Variants in PPFIA2 observed in about 807,000 individuals in gnomAD.
PPFIA2 encodes liprin-alpha-2.
A neutral mutation model predicts 175.5 loss-of-function variants in PPFIA2; 46 were observed. That is an observed-to-expected ratio of 0.26 (90% CI 0.21 to 0.34). The LOEUF (loss-of-function observed/expected upper bound fraction) is 0.34, where lower values mean the gene tolerates loss of function less well. Among genes scored for constraint, PPFIA2 ranks in the 10% least tolerant of loss-of-function variants. The probability of loss-of-function intolerance (pLI) is 1.00; values close to 1 mark genes in which losing one functional copy is unlikely to be tolerated. For missense variants in PPFIA2, 1,179 were observed against 1,506.1 expected, an observed-to-expected ratio of 0.78 and a Z score of 3.60; for synonymous variants, 568 against 511.4, an observed-to-expected ratio of 1.11 and a Z score of -1.49.
chr12:81,689,175 T>C (rs1227081047), intron 3 of PPFIA2, among the ~76,000 whole-genome samples: 1 of 151,904 alleles, frequency 6.6e-6, no homozygotes, highest in Non-Finnish European at 1.5e-5. Flanking sequence ...ATGCAAAATT[T>C]GTGAAAGGAA....
chr12:81,655,237 T>TAA (rs2067598765), intron 4 of PPFIA2, among the ~76,000 whole-genome samples: 3 of 151,898 alleles, frequency 2.0e-5, no homozygotes, highest in Non-Finnish European at 4.4e-5. Flanking sequence ...AATGTTAATT[T>TAA]TCCCCCAAAA....
intron 7 of PPFIA2, chr12:81,429,863 T>C (rs555842349): frequency 6.6e-6 from 1 of 152,098 alleles, no homozygotes; most frequent in Non-Finnish European, 1.5e-5. Flanking sequence ...GGTAACTTAA[T>C]GAGAACCTCA....
At chr12:81,411,782 T>C (rs1290322679) in intron 7 of PPFIA2, among the ~76,000 whole-genome samples, 5 of 151,988 alleles carry the variant, frequency 3.3e-5, no homozygotes, top group East Asian at 3.9e-4. Context: ...CTAATGGAAA[T>C]TGTACTCTCA....
intron 7 of PPFIA2, among the ~76,000 whole-genome samples, chr12:81,421,284 T>C (rs1018939367): frequency 5.9e-5 from 9 of 152,108 alleles, no homozygotes; most frequent in Non-Finnish European, 1.3e-4. Flanking sequence ...AGTAACATTA[T>C]AATTGTATTG....
intron 3 of PPFIA2, among the ~76,000 whole-genome samples, chr12:81,736,869 A>G (rs923632832): frequency 1.3e-5 from 2 of 151,962 alleles, no homozygotes; most frequent in African/African-American, 4.8e-5. Flanking sequence ...CTGCCTCCCC[A>G]GCAGCTGGGA....
At chr12:81,665,035 TGTC>T (rs1255387492) in intron 4 of PPFIA2, among the ~76,000 whole-genome samples, 1 of 150,132 alleles carries the variant, frequency 6.7e-6, no homozygotes, top group Non-Finnish European at 1.5e-5. Context: ...CGGGGCCTGT[TGTC>T]GGGTGGGGGC....
At chr12:81,717,142 G>C (rs144833523) in intron 3 of PPFIA2, among the ~76,000 whole-genome samples, 8 of 151,770 alleles carry the variant, frequency 5.3e-5, no homozygotes, top group African/African-American at 1.7e-4. Flanking sequence ...ACTCTCTGTT[G>C]CAACTATTCA....
intron 4 of PPFIA2, among the ~76,000 whole-genome samples, chr12:81,605,813 T>C (rs2060250825): frequency 6.6e-6 from 1 of 152,048 alleles, no homozygotes; most frequent in Admixed American, 6.6e-5. Context: ...AATGACCCTT[T>C]ACAGATAGCC....
intron 26 of PPFIA2, among the ~76,000 whole-genome samples, chr12:81,282,014 C>G (rs1273002615): frequency 1.3e-5 from 2 of 151,964 alleles, no homozygotes; most frequent in African/African-American, 4.8e-5. Flanking sequence ...TGGAAAGAAT[C>G]AGTCTTTTCT....
chr12:81,717,071 G>T (rs1285556112), intron 3 of PPFIA2, among the ~76,000 whole-genome samples: 1 of 151,656 alleles, frequency 6.6e-6, no homozygotes, highest in Non-Finnish European at 1.5e-5. Flanking sequence ...TTAATCTGGG[G>T]TCAGCAAGCT....
At position 81,676,798 on chromosome 12, in the gene PPFIA2, T is replaced by C; in HGVS notation, c.296A>G (p.Asp99Gly). 1 of 1,561,906 alleles carries C rather than the reference T, an allele frequency of 6.4e-7. No homozygotes were observed. Reference protein sequence around the residue: ...TGGLAGSKGADPPEFAALTKE... With the variant: ...TGGLAGSKGAGPPEFAALTKE... Reference sequence around the variant, plus strand: ...ATGAAGAATCTAACTTACCGGTGGATCAGCCCCCTTAGAACCAGCCAGCCC... The same window carrying C: ...ATGAAGAATCTAACTTACCGGTGGACCAGCCCCCTTAGAACCAGCCAGCCC... Residue 99 changes from aspartate to glycine, a missense_variant, in exon 4 of 33, where the codon GAT becomes GGT. By Grantham distance (94) the Asp-to-Gly change is moderately conservative. Transcript: ENST00000549396.
At chr12:81,617,473 T>G (rs1005766641) in intron 4 of PPFIA2, among the ~76,000 whole-genome samples, 2 of 152,194 alleles carry the variant, frequency 1.3e-5, no homozygotes, top group African/African-American at 2.4e-5. Flanking sequence ...CCTAGAGAAT[T>G]TGAATTGTGT....
chr12:81,315,735 A>C (rs559129683), intron 22 of PPFIA2, among the ~76,000 whole-genome samples: 111 of 151,756 alleles, frequency 7.3e-4, no homozygotes, highest in African/African-American at 2.5e-3. Flanking sequence ...TGGATATCAG[A>C]GCATACGAGG....
At chr12:81,281,506 G>A in intron 26 of PPFIA2, 56 bp from the exon 27 acceptor site, 5 of 1,170,892 alleles carry the variant, frequency 4.3e-6, no homozygotes, top group East Asian at 4.9e-5. Flanking sequence ...GATGGTAATT[G>A]GATAATATTA....
chr12:81,531,099 G>A (rs2064480809), intron 4 of PPFIA2, among the ~76,000 whole-genome samples: 1 of 151,768 alleles, frequency 6.6e-6, no homozygotes, highest in Non-Finnish European at 1.5e-5. Flanking sequence ...TCTTTGGTCT[G>A]AGTTACAAAA....
At position 81,608,254 on chromosome 12, in the gene PPFIA2, T is replaced by C. The variant is rs569132119; in HGVS notation, c.303+68537A>G. On this transcript the variant is annotated intron_variant, in intron 4 of 32. Transcript: ENST00000549396. ...CATAAGGGATACTGGCCTGTAGTTT[T>C]ATTTCTTTGTTGTGTCTCTGTCAGA... is the stretch of plus-strand genomic sequence containing the variant. Among the ~76,000 whole-genome samples, 9 of 152,222 alleles carry C rather than the reference T, an allele frequency of 5.9e-5. No homozygotes were observed. The East Asian group carries it at 1.4e-3, about 23-fold the overall frequency.
At chr12:81,374,260 A>C (rs1017095788) in intron 11 of PPFIA2, among the ~76,000 whole-genome samples, 1 of 152,118 alleles carries the variant, frequency 6.6e-6, no homozygotes, top group Admixed American at 6.6e-5. Context: ...AAGTTATGAT[A>C]TTCTCTATAC....
At chr12:81,480,904 A>G (rs1454608642) in intron 4 of PPFIA2, among the ~76,000 whole-genome samples, 1 of 152,212 alleles carries the variant, frequency 6.6e-6, no homozygotes, top group African/African-American at 2.4e-5. Flanking sequence ...ATCAGGAAAG[A>G]GAAAGAAATA....
intron 4 of PPFIA2, among the ~76,000 whole-genome samples, chr12:81,582,181 T>C (rs1028768342): frequency 1.3e-5 from 2 of 151,862 alleles, no homozygotes; most frequent in Non-Finnish European, 2.9e-5. Flanking sequence ...ACATTCACTT[T>C]TATGTATTCC....
Sources: gnomAD v4.1 joint callset for allele counts (sites outside exome capture counted in the v4.1 genomes callset) on GRCh38, gnomAD v4.1.1 for gene constraint, MANE v1.5 for transcripts, NCBI Gene and HGNC (gene_info 2026-07-23, HGNC 2026-07-21) for gene names.